NKAIN3: variants seen among roughly 807,000 people sequenced by gnomAD.
The protein encoded by NKAIN3 is sodium/potassium-transporting ATPase subunit beta-1-interacting protein 3.
In NKAIN3, 25 loss-of-function variants were observed where a neutral mutation model predicts 30.2. The ratio of observed to expected loss-of-function variants is 0.83; its 90% confidence interval spans 0.60 to 1.16. The LOEUF (loss-of-function observed/expected upper bound fraction) is 1.16, where lower values mean the gene tolerates loss of function less well. NKAIN3 is among the 50% of genes most tolerant of loss of function. NKAIN3 has a pLI of 0.00. For missense variants in NKAIN3, 225 were observed against 254.1 expected (o/e 0.89, Z 0.78); for synonymous variants, 91 against 89.6 (o/e 1.02, Z -0.09).
At chr8:62,582,068 CCTCCCTCCCTCT>C (rs1286926927) in intron 2 of NKAIN3, among the ~76,000 whole-genome samples, 1 of 147,968 alleles carries the variant, frequency 6.8e-6, no homozygotes, top group Non-Finnish European at 1.5e-5. Flanking sequence ...TCCCTCCTTT[CCTCCCTCCCTCT>C]CTCCCTCCCT....
At chr8:62,952,407 C>T (rs1237790710) in intron 5 of NKAIN3, among the ~76,000 whole-genome samples, 1 of 152,138 alleles carries the variant, frequency 6.6e-6, no homozygotes, top group Admixed American at 6.5e-5. Flanking sequence ...TTTTCAAAAT[C>T]TATATATTTA....
intron 1 of NKAIN3, among the ~76,000 whole-genome samples, chr8:62,508,824 T>C (rs1212509387): frequency 6.7e-6 from 1 of 149,370 alleles, no homozygotes; most frequent in Non-Finnish European, 1.5e-5. Context: ...TACAGAAACA[T>C]ACACCAATTT....
chr8:62,638,149 G>A (rs1812191142), intron 3 of NKAIN3, among the ~76,000 whole-genome samples: 1 of 152,142 alleles, frequency 6.6e-6, no homozygotes, highest in Admixed American at 6.6e-5. Flanking sequence ...TGCAAAGAAA[G>A]TGAATGATTG....
intron 1 of NKAIN3, among the ~76,000 whole-genome samples, chr8:62,441,312 T>A (rs965644928): frequency 6.6e-6 from 1 of 152,114 alleles, no homozygotes; most frequent in African/African-American, 2.4e-5. Flanking sequence ...CAGCTGTTTT[T>A]CCTAAGTCTT....
intron 4 of NKAIN3, among the ~76,000 whole-genome samples, chr8:62,878,447 C>T (rs1820865857): frequency 6.6e-6 from 1 of 152,052 alleles, no homozygotes; most frequent in Non-Finnish European, 1.5e-5. Flanking sequence ...CTCCTCGGAC[C>T]CTCAATAAAT....
chr8:62,300,781 A>T (rs1406881747), intron 1 of NKAIN3, among the ~76,000 whole-genome samples: 1 of 152,138 alleles, frequency 6.6e-6, no homozygotes, highest in African/African-American at 2.4e-5. Flanking sequence ...TGGAGCAGTG[A>T]GTGTGTGATG....
intron 3 of NKAIN3, among the ~76,000 whole-genome samples, chr8:62,608,616 T>C (rs1811197227): frequency 6.6e-6 from 1 of 152,122 alleles, no homozygotes; most frequent in South Asian, 2.1e-4. Context: ...GAAATGGAAA[T>C]CACATTCAAC....
chr8:62,458,053 C>T (rs971460261), intron 1 of NKAIN3, among the ~76,000 whole-genome samples: 1 of 152,116 alleles, frequency 6.6e-6, no homozygotes, highest in East Asian at 1.9e-4. Flanking sequence ...GTCTGGTCTT[C>T]GAATGCTATA....
In NKAIN3 at chr8:62,971,230, C is replaced by A. The variant is rs1204222480; in HGVS notation, c.*5823C>A. Among the ~76,000 whole-genome samples, 4 of 152,186 alleles carry A rather than the reference C, an allele frequency of 2.6e-5. No homozygotes were observed. The highest frequency in any genetic ancestry group is 9.7e-5 in the African/African-American group (4 of 41,444). On this transcript the variant is annotated 3_prime_UTR_variant, in exon 7 of 7. Coordinates refer to ENST00000623646, the MANE Select transcript of NKAIN3 (RefSeq NM_001304533.3). The stretch of plus-strand genomic sequence containing the variant: ...TTTAAGGATATGCCTCAGAAATACA[C>A]ACACTACTTCTGTTTACATCTCATT...
chr8:62,374,137 AG>A (rs1816999624), intron 1 of NKAIN3, among the ~76,000 whole-genome samples: 2 of 149,648 alleles, frequency 1.3e-5, no homozygotes, highest in Non-Finnish European at 3.0e-5. Flanking sequence ...AAAAAAAAAA[AG>A]AGAAGACAGA....
intron 1 of NKAIN3, among the ~76,000 whole-genome samples, chr8:62,485,826 C>T (rs964265684): frequency 6.6e-6 from 1 of 152,158 alleles, no homozygotes; most frequent in Non-Finnish European, 1.5e-5. Context: ...AGAGGTTGAA[C>T]AACAGATCAG....
At chr8:62,692,191 C>G (rs1031670720) in intron 3 of NKAIN3, among the ~76,000 whole-genome samples, 2 of 152,114 alleles carry the variant, frequency 1.3e-5, no homozygotes. Context: ...AATGAAGAAG[C>G]CAGCCCAGAT....
At chr8:62,270,842 C>T (rs1242803554) in intron 1 of NKAIN3, among the ~76,000 whole-genome samples, 2 of 152,138 alleles carry the variant, frequency 1.3e-5, no homozygotes, top group Non-Finnish European at 2.9e-5. Context: ...GCTCATTTCA[C>T]TTAGCATAAT....
At chr8:62,738,859 GC>G (rs1815765553) in intron 3 of NKAIN3, among the ~76,000 whole-genome samples, 1 of 151,964 alleles carries the variant, frequency 6.6e-6, no homozygotes, top group Non-Finnish European at 1.5e-5. Context: ...GTCAATTTTG[GC>G]TTTTGAAATG....
At chr8:62,575,868 G>C (rs1201382488) in intron 1 of NKAIN3, among the ~76,000 whole-genome samples, 1 of 152,046 alleles carries the variant, frequency 6.6e-6, no homozygotes, top group African/African-American at 2.4e-5. Context: ...ATTGGGGAAA[G>C]GACAATCTTT....
chr8:62,438,652 C>T (rs1216631145), intron 1 of NKAIN3, among the ~76,000 whole-genome samples: 1 of 152,182 alleles, frequency 6.6e-6, no homozygotes, highest in Non-Finnish European at 1.5e-5. Context: ...ACCTACACCT[C>T]TTGGGTTCAA....
At chr8:62,283,388 A>G (rs13271280) in intron 1 of NKAIN3, among the ~76,000 whole-genome samples, 90,285 of 151,880 alleles carry the variant, frequency 0.59, 27,097 homozygotes, top group East Asian at 0.68. Context: ...AGAACAAAAC[A>G]TTACTCAAGG....
intron 1 of NKAIN3, among the ~76,000 whole-genome samples, chr8:62,486,875 A>G (rs1806920018): frequency 6.6e-6 from 1 of 152,210 alleles, no homozygotes; most frequent in South Asian, 2.1e-4. Flanking sequence ...CATTTAAAAT[A>G]TGGTTGAAGC....
At chr8:62,684,149 C>A (rs1813726608) in intron 3 of NKAIN3, among the ~76,000 whole-genome samples, 3 of 152,152 alleles carry the variant, frequency 2.0e-5, no homozygotes, top group African/African-American at 7.2e-5. Context: ...AAACTGGAAA[C>A]CCAAGAATAT....
Sources: allele counts gnomAD v4.1 joint callset (sites outside exome capture counted in the v4.1 genomes callset), GRCh38; gene constraint gnomAD v4.1.1; transcripts MANE v1.5; gene names NCBI Gene and HGNC (gene_info 2026-07-23, HGNC 2026-07-21).